Variants in ELAVL4 observed in about 807,000 individuals in gnomAD.
The protein encoded by ELAVL4 is ELAV-like protein 4.
In ELAVL4, 1 loss-of-function variant was observed where a neutral mutation model predicts 35.6. The ratio of observed to expected loss-of-function variants is 0.03; its 90% confidence interval spans 0.01 to 0.13. The LOEUF is 0.13. Among genes scored for constraint, ELAVL4 ranks in the 10% least tolerant of loss-of-function variants. ELAVL4 has a pLI of 1.00. For synonymous variants in ELAVL4, 156 were observed against 171.0 expected, an observed-to-expected ratio of 0.91 and a Z score of 0.69; for missense variants, 267 against 464.9, an observed-to-expected ratio of 0.57 and a Z score of 3.91.
At chr1:50,163,256 G>C (rs925810078) in intron 2 of ELAVL4, among the ~76,000 whole-genome samples, 9 of 152,044 alleles carry the variant, frequency 5.9e-5, no homozygotes, top group African/African-American at 2.2e-4. Context: ...TCTCACTATT[G>C]TAACACTTAA....
At chr1:50,169,695 T>C (rs1443692472) in intron 2 of ELAVL4, among the ~76,000 whole-genome samples, 1 of 152,158 alleles carries the variant, frequency 6.6e-6, no homozygotes, top group East Asian at 1.9e-4. Context: ...AGTTCGAATG[T>C]CATCATTGTG....
At chr1:50,193,979 T>G in intron 4 of ELAVL4, 61 bp downstream of exon 4, 2 of 1,584,812 alleles carry the variant, frequency 1.3e-6, no homozygotes, top group Non-Finnish European at 1.7e-6. Flanking sequence ...CTGTTACTCA[T>G]AAGAGCAGAA....
At chr1:50,079,244 G>A (rs914392595) in intron 1 of ELAVL4, among the ~76,000 whole-genome samples, 8 of 152,162 alleles carry the variant, frequency 5.3e-5, no homozygotes, top group Admixed American at 5.2e-4. Context: ...TTTAAAACTG[G>A]GATAATAACT....
At chr1:50,073,933 T>C (rs754360323) in intron 1 of ELAVL4, among the ~76,000 whole-genome samples, 2 of 152,218 alleles carry the variant, frequency 1.3e-5, no homozygotes, top group Non-Finnish European at 2.9e-5. Flanking sequence ...GACATCTTCA[T>C]TGGATCTTGT....
intron 2 of ELAVL4, chr1:50,175,849 C>T (rs1468963775): frequency 6.6e-6 from 1 of 152,180 alleles, no homozygotes; most frequent in Non-Finnish European, 1.5e-5. Flanking sequence ...AGGCTTTTTG[C>T]TGTATTATCT....
chr1:50,092,007 C>T (rs1294613399), intron 1 of ELAVL4, among the ~76,000 whole-genome samples: 1 of 152,198 alleles, frequency 6.6e-6, no homozygotes, highest in Non-Finnish European at 1.5e-5. Flanking sequence ...TTCTAGTTCA[C>T]TGTAACTGAC....
chr1:50,106,409 C>T (rs1182968104), upstream of ELAVL4: 5 of 1,598,516 alleles, frequency 3.1e-6, no homozygotes, highest in East Asian at 2.2e-5. Context: ...AGGAATACAG[C>T]GGCGCTGGCA....
chr1:50,058,116 T>C (rs1663775594), intron 1 of ELAVL4, among the ~76,000 whole-genome samples: 1 of 152,174 alleles, frequency 6.6e-6, no homozygotes, highest in African/African-American at 2.4e-5. Flanking sequence ...GTGATCAGAG[T>C]AAACTAAAAT....
chr1:50,182,459 G>C (rs1297707535), intron 3 of ELAVL4, among the ~76,000 whole-genome samples: 2 of 152,194 alleles, frequency 1.3e-5, no homozygotes, highest in Non-Finnish European at 2.9e-5. Flanking sequence ...CCTGTCTCAT[G>C]GGGGACACAG....
At chr1:50,050,277 A>G (rs1572090335) in intron 1 of ELAVL4, among the ~76,000 whole-genome samples, 1 of 152,220 alleles carries the variant, frequency 6.6e-6, no homozygotes, top group Non-Finnish European at 1.5e-5. Context: ...TATTACCACC[A>G]TTGCTACTAC....
chr1:50,104,583 G>T (rs2148516988), upstream of ELAVL4, among the ~76,000 whole-genome samples: 1 of 152,304 alleles, frequency 6.6e-6, no homozygotes, highest in African/African-American at 2.4e-5. Flanking sequence ...AAATATTACT[G>T]TCAACACCTG....
chr1:50,093,692 T>G (rs913449917), intron 1 of ELAVL4, among the ~76,000 whole-genome samples: 2 of 152,216 alleles, frequency 1.3e-5, no homozygotes, highest in Non-Finnish European at 2.9e-5. Context: ...TTGGGAGCAC[T>G]AATTCAACAC....
intron 1 of ELAVL4, among the ~76,000 whole-genome samples, chr1:50,121,512 T>C (rs1037116061): frequency 6.6e-6 from 1 of 152,104 alleles, no homozygotes; most frequent in African/African-American, 2.4e-5. Flanking sequence ...CAGTTACCTA[T>C]GTTATGAGTT....
At chr1:50,191,940 C>T (rs1682723389) in intron 3 of ELAVL4, among the ~76,000 whole-genome samples, 1 of 152,128 alleles carries the variant, frequency 6.6e-6, no homozygotes. Flanking sequence ...GTTTTTATTT[C>T]CTTCTTCCAC....
chr1:50,092,820 T>G (rs1038098089), intron 1 of ELAVL4, among the ~76,000 whole-genome samples: 2 of 152,276 alleles, frequency 1.3e-5, no homozygotes, highest in East Asian at 3.9e-4. Context: ...ATGCCAGGCA[T>G]GGAGGGCACA....
intron 2 of ELAVL4, among the ~76,000 whole-genome samples, chr1:50,159,806 G>A (rs527946513): frequency 3.9e-5 from 6 of 152,250 alleles, no homozygotes; most frequent in African/African-American, 1.4e-4. Flanking sequence ...TGGGAGACAA[G>A]GAGGCAGTTT....
At chr1:50,050,530 C>A (rs1331110907) in intron 1 of ELAVL4, among the ~76,000 whole-genome samples, 1 of 152,060 alleles carries the variant, frequency 6.6e-6, no homozygotes, top group East Asian at 1.9e-4. Flanking sequence ...AAGTACATGC[C>A]TTTGGGAGGC....
chr1:50,177,226 G>T, intron 3 of ELAVL4, 34 bp downstream of exon 3: 1 of 1,531,942 alleles, frequency 6.5e-7, no homozygotes. Flanking sequence ...TGATTCAGGA[G>T]GCTCTGGTTA....
chr1:50,116,407 T>C (rs1374827155), intron 1 of ELAVL4, among the ~76,000 whole-genome samples: 2 of 117,666 alleles, frequency 1.7e-5, no homozygotes, highest in African/African-American at 3.6e-5. Context: ...TGTGTGTGTG[T>C]GTGTGCGTGT....
Sources: gnomAD v4.1 joint callset for allele counts (sites outside exome capture counted in the v4.1 genomes callset) on GRCh38, gnomAD v4.1.1 for gene constraint, MANE v1.5 for transcripts, NCBI Gene and HGNC (gene_info 2026-07-23, HGNC 2026-07-21) for gene names.